The following ERO1A variants were observed in gnomAD, a reference collection of about 807,000 sequenced individuals.
ERO1A encodes the protein ERO1-like protein alpha.
A neutral mutation model predicts 76.9 loss-of-function variants in ERO1A; 49 were observed. The ratio of observed to expected loss-of-function variants is 0.64; its 90% CI spans 0.51 to 0.81. The LOEUF is 0.81. ERO1A is among the 30% of genes least tolerant of loss of function. ERO1A has a pLI of 0.00. For synonymous variants in ERO1A, 174 were observed against 181.2 expected (o/e 0.96, Z 0.32); for missense variants, 448 against 542.1 (o/e 0.83, Z 1.72).
At chr14:52,666,601 A>G in intron 6 of ERO1A, 106 bp from the exon 7 acceptor site, 1 of 1,020,318 alleles carries the variant, frequency 9.8e-7, no homozygotes, top group South Asian at 1.6e-5. Context: ...AAATATAACA[A>G]TGTGTCAGGA....
intron 1 of ERO1A, 151 bp from the exon 2 acceptor site, chr14:52,684,058 A>C (rs1035386370): frequency 5.8e-4 from 310 of 533,838 alleles, no homozygotes; most frequent in South Asian, 1.9e-4. Context: ...GTATGACAAT[A>C]ATCTAGTAAT....
In ERO1A at chr14:52,678,469, C is replaced by T; in HGVS notation, c.322G>A (p.Glu108Lys). 6.2e-7 allele frequency: 1 copy of T among 1,611,856 alleles called. No individual in the cohort carries two copies. The highest frequency in any genetic ancestry group is 8.5e-7 in the Non-Finnish European group (1 of 1,178,850). Residue 108 changes from glutamate (E) to lysine (K), a missense_variant, in exon 4 of 16, where the codon GAA becomes AAA. Physicochemically the swap from Glu to Lys is moderately conservative, Grantham distance 56. This residue lies in a region of ERO1A where 146 missense variants were observed against 130.2 expected (regional missense o/e 1.12). Coordinates refer to ENST00000395686, the MANE Select transcript of ERO1A (RefSeq NM_014584.3). ...GCAGATTTAATTCCATCAGGAACTTCATCCTGAAAAAGAAAAAAATATGTT... is the reference window on the plus strand; with the variant it reads ...GCAGATTTAATTCCATCAGGAACTTTATCCTGAAAAAGAAAAAAATATGTT... ...DCAVKPCQSD[E>K]VPDGIKSASY...
intron 4 of ERO1A, among the ~76,000 whole-genome samples, chr14:52,673,323 C>G (rs1328384715): frequency 1.3e-5 from 2 of 152,186 alleles, no homozygotes; most frequent in Non-Finnish European, 2.9e-5. Flanking sequence ...CTCCTGGTCT[C>G]AAGCAGTCTG....
intron 4 of ERO1A, among the ~76,000 whole-genome samples, chr14:52,672,758 A>G (rs2040645778): frequency 6.8e-6 from 1 of 148,032 alleles, no homozygotes; most frequent in African/African-American, 2.5e-5. Flanking sequence ...GGCAACAGAG[A>G]CAGACCCTGT....
At chr14:52,691,220 C>T (rs1168002944) in intron 1 of ERO1A, among the ~76,000 whole-genome samples, 2 of 152,192 alleles carry the variant, frequency 1.3e-5, no homozygotes, top group African/African-American at 4.8e-5. Context: ...AAGTACTCAT[C>T]TGTTGACAGA....
chr14:52,695,016 A>G (rs918411565), intron 1 of ERO1A, among the ~76,000 whole-genome samples: 6 of 152,226 alleles, frequency 3.9e-5, no homozygotes, highest in African/African-American at 1.4e-4. Flanking sequence ...AGAAGTGAGA[A>G]AGATCCAGGT....
chr14:52,682,211 T>C (rs746821893), intron 3 of ERO1A, 114 bp downstream of exon 3: 6 of 751,942 alleles, frequency 8.0e-6, no homozygotes, highest in Admixed American at 2.7e-5. Flanking sequence ...CTGGGCAACA[T>C]AGTGAAACCT....
chr14:52,695,339 C>T (rs756197172), intron 1 of ERO1A, 29 bp downstream of exon 1: 2 of 1,367,940 alleles, frequency 1.5e-6, no homozygotes, highest in Non-Finnish European at 1.9e-6. Flanking sequence ...GGCGCCGGGA[C>T]CCTCAGCACC....
At chr14:52,658,283 C>A in intron 9 of ERO1A, 133 bp from the exon 10 acceptor site, 2 of 635,148 alleles carry the variant, frequency 3.1e-6, no homozygotes, top group South Asian at 4.0e-5. Context: ...CGGTCCAAGT[C>A]TTAATTGCAA....
intron 13 of ERO1A, among the ~76,000 whole-genome samples, chr14:52,648,128 C>T (rs2039733459): frequency 6.6e-6 from 1 of 151,990 alleles, no homozygotes; most frequent in Non-Finnish European, 1.5e-5. Context: ...TTCATTGTTA[C>T]CATATCTTAA....
chr14:52,683,785 T>C lies in ERO1A; in HGVS notation c.234+3A>G, dbSNP rs2041079249. On this transcript the variant is annotated splice_donor_region_variant and intron_variant, in intron 2 of 15. Transcript: ENST00000395686. ...ATATATAAAAAATTAAAATTAAAAA[T>C]ACCTTGTAATACCTAAAGTAGTCAC... The C allele has an allele frequency of 3.0e-6, 4 of 1,333,624 alleles. No individual in the cohort carries two copies. The highest frequency in any genetic ancestry group is 4.1e-6 in the Non-Finnish European group (4 of 982,148). 82.6% of individuals were successfully genotyped at this position (1,333,624 alleles called of 1,614,324 possible).
Position 52,642,862 on chromosome 14 carries a change from T to G in ERO1A, c.*708A>C, listed in dbSNP as rs1416232672. On this transcript the variant is annotated 3_prime_UTR_variant, in exon 16 of 16. Transcript: ENST00000395686. ...TTTCACAATGTTTAGAAATCTCCTG[T>G]GCCTTTGAGTTGTTATTGTACGTTT... 6 of 152,604 alleles carry G rather than the reference T, an allele frequency of 3.9e-5. No homozygotes were observed. The highest frequency in any genetic ancestry group is 8.8e-5 in the Non-Finnish European group (6 of 68,010). 9.5% of individuals were successfully genotyped at this position (152,604 alleles called of 1,614,324 possible).
intron 4 of ERO1A, chr14:52,672,129 AC>A (rs1300085079): frequency 7.2e-6 from 2 of 279,398 alleles, no homozygotes; most frequent in African/African-American, 4.5e-5. Context: ...ACATGGTGAA[AC>A]CCTGTCTCTA....
intron 1 of ERO1A, among the ~76,000 whole-genome samples, chr14:52,688,189 A>G (rs1377655627): frequency 6.6e-6 from 1 of 152,106 alleles, no homozygotes; most frequent in Non-Finnish European, 1.5e-5. Context: ...TTGCCTCAAA[A>G]AAATAGAAAA....
At chr14:52,656,937 C>A (rs2040070720) in intron 11 of ERO1A, among the ~76,000 whole-genome samples, 1 of 152,052 alleles carries the variant, frequency 6.6e-6, no homozygotes. Context: ...TGGTGGCATG[C>A]TCCTGTAGTC....
chr14:52,658,055 T>C lies in ERO1A; in HGVS notation c.716-46A>G, dbSNP rs74832745. 1,342 of 1,512,244 alleles carry C rather than the reference T, an allele frequency of 8.9e-4. 1 individual carries two copies. The highest frequency in any genetic ancestry group is 1.2e-3 in the Non-Finnish European group (1,269 of 1,098,474). The allele number at this position is 1,512,244 out of a possible 1,614,324, so 93.7% of individuals were successfully genotyped here. On this transcript the variant is annotated intron_variant, in intron 10 of 15. Coordinates refer to ENST00000395686, the MANE Select transcript of ERO1A (RefSeq NM_014584.3). Reference sequence around the variant, plus strand: ...AGAAATAAAATTTCATATGTGAATCTTGTAGACATAAAATTAATCTCATGA... The same window carrying C: ...AGAAATAAAATTTCATATGTGAATCCTGTAGACATAAAATTAATCTCATGA...
At chr14:52,682,212 A>G in intron 3 of ERO1A, 113 bp downstream of exon 3, 1 of 765,008 alleles carries the variant, frequency 1.3e-6, no homozygotes, top group Admixed American at 2.6e-5. Context: ...TGGGCAACAT[A>G]GTGAAACCTC....
intron 7 of ERO1A, among the ~76,000 whole-genome samples, chr14:52,664,837 G>A (rs1341974683): frequency 6.6e-6 from 1 of 152,018 alleles, no homozygotes; most frequent in Non-Finnish European, 1.5e-5. Flanking sequence ...GACTACAGGT[G>A]CCCACCACTA....
intron 1 of ERO1A, among the ~76,000 whole-genome samples, chr14:52,686,109 G>A (rs1008929523): frequency 1.3e-5 from 2 of 152,178 alleles, no homozygotes; most frequent in Non-Finnish European, 2.9e-5. Context: ...CTACTTGGGC[G>A]CCTGAGGCAG....
Sources: gnomAD v4.1 joint callset for allele counts (sites outside exome capture counted in the v4.1 genomes callset) on GRCh38, gnomAD v4.1.1 for gene constraint, gnomAD v4.1.1 regional missense constraint, MANE v1.5 for transcripts, NCBI Gene and HGNC (gene_info 2026-07-23, HGNC 2026-07-21) for gene names.